The following CEP104 variants were observed in gnomAD, a reference collection of about 807,000 sequenced individuals.
CEP104 encodes centrosomal protein of 104 kDa.
Under a neutral mutation model 113.3 loss-of-function variants are expected in CEP104, and 84 were observed. The ratio of observed to expected loss-of-function variants is 0.74; its 90% CI spans 0.62 to 0.89. The LOEUF is 0.89. CEP104 is among the 40% of genes least tolerant of loss of function. The pLI, the probability that CEP104 is intolerant of heterozygous loss-of-function variation, is 0.00. For synonymous variants in CEP104, 378 were observed against 421.7 expected, an observed-to-expected ratio of 0.90 and a Z score of 1.27; for missense variants, 1,053 against 1,156.6, an observed-to-expected ratio of 0.91 and a Z score of 1.30.
chr1:3,848,712 T>C lies in CEP104; in HGVS notation c.183A>G (p.Leu61=). 2 of 1,613,830 alleles carry C rather than the reference T, an allele frequency of 1.2e-6. No homozygotes were observed. Among genetic ancestry groups the C allele is most frequent in the Non-Finnish European group, 1.7e-6 (2 of 1,179,878 alleles). The change falls in exon 3 of 22, where the codon TTA becomes TTG. Residue 61 remains leucine (L), a synonymous_variant. Transcript: ENST00000378230. ...VERCRIRKLQ[L]LAHQYMISSK... is the part of the protein sequence containing the mutation. ...TTGAAATCATATACTGGTGAGCAAG[T>C]AACTGCAGTTTCCTTATTCGACATC...
At chr1:3,849,869 CA>C (rs2124695800) in intron 2 of CEP104, among the ~76,000 whole-genome samples, 1 of 151,724 alleles carries the variant, frequency 6.6e-6, no homozygotes, top group South Asian at 2.1e-4. Flanking sequence ...TAAAGAAAAC[CA>C]AGACAACCGG....
chr1:3,833,854 G>A lies in CEP104; in HGVS notation c.1659+8C>T, dbSNP rs778868893. ...CTACGGTTTCAAATGCCGTGGTGAA[G>A]TTCAGACCTGAATAAAATTTGCAGC... On this transcript the variant is annotated splice_region_variant and intron_variant, in intron 12 of 21. Coordinates refer to ENST00000378230, the MANE Select transcript of CEP104 (RefSeq NM_014704.4). The A allele has an allele frequency of 2.9e-5, 46 of 1,613,974 alleles. No individual in the cohort carries two copies. In the Admixed American group the frequency reaches 7.7e-4, roughly 27 times the overall value.
intron 1 of CEP104, among the ~76,000 whole-genome samples, chr1:3,856,509 T>C (rs1459364861): frequency 6.6e-6 from 1 of 152,350 alleles, no homozygotes; most frequent in South Asian, 2.1e-4. Context: ...CTTTAATCTC[T>C]ATAGGGACAG....
chr1:3,833,354 C>A (rs923716733), intron 12 of CEP104, among the ~76,000 whole-genome samples: 2 of 152,050 alleles, frequency 1.3e-5, no homozygotes, highest in Non-Finnish European at 2.9e-5. Flanking sequence ...TCATAAGCTT[C>A]TTAAGCCCAA....
In CEP104 at chr1:3,831,177, A is replaced by C. The variant is rs1438091130; in HGVS notation, c.1705T>G (p.Ser569Ala). ...KEVKSLQIIP[S>A]YLVQPLKANS... Reference sequence around the variant, plus strand: ...GCTTTCAATGGCTGCACCAGGTAGGATGGAATAATTTGGAGAGACTTAACT... The same window carrying C: ...GCTTTCAATGGCTGCACCAGGTAGGCTGGAATAATTTGGAGAGACTTAACT... Residue 569 changes from serine (S) to alanine (A), a missense_variant, in exon 13 of 22, where the codon TCC becomes GCC. Coordinates refer to ENST00000378230, the MANE Select transcript of CEP104 (RefSeq NM_014704.4). 14 of 1,614,114 alleles carry C rather than the reference A, an allele frequency of 8.7e-6. No individual in the cohort carries two copies. Among genetic ancestry groups the C allele is most frequent in the Non-Finnish European group, 1.2e-5 (14 of 1,180,030 alleles).
At chr1:3,852,990 T>C (rs964546521) in intron 1 of CEP104, among the ~76,000 whole-genome samples, 1 of 152,188 alleles carries the variant, frequency 6.6e-6, no homozygotes. Flanking sequence ...AGAGCGAGAG[T>C]GCAGCCCTGT....
At chr1:3,839,824 G>T in intron 6 of CEP104, 48 bp from the exon 7 acceptor site, 1 of 1,500,746 alleles carries the variant, frequency 6.7e-7, no homozygotes. Context: ...CGCCCTAGGA[G>T]TTCAGTGCTG....
At position 3,812,135 on chromosome 1, in the gene CEP104, A is replaced by T. The variant is rs1449837157; in HGVS notation, c.*3267T>A. On this transcript the variant is annotated 3_prime_UTR_variant, in exon 22 of 22. Coordinates refer to ENST00000378230, the MANE Select transcript of CEP104 (RefSeq NM_014704.4). ...ATATACTCTGGGTGAATTAACCCTTAAGCCCTAAAACGACAACAAAAATAT... is the reference window on the plus strand; with the variant it reads ...ATATACTCTGGGTGAATTAACCCTTTAGCCCTAAAACGACAACAAAAATAT... 1 of 152,200 alleles carries T rather than the reference A, an allele frequency of 6.6e-6. No individual in the cohort carries two copies. The highest frequency in any genetic ancestry group is 1.5e-5 in the Non-Finnish European group (1 of 68,042). 9.4% of individuals were successfully genotyped at this position (152,200 alleles called of 1,614,324 possible).
chr1:3,856,187 T>C (rs1228275160), intron 1 of CEP104, among the ~76,000 whole-genome samples: 2 of 152,172 alleles, frequency 1.3e-5, no homozygotes, highest in East Asian at 3.8e-4. Context: ...GGAGGGCGTA[T>C]TACTTGAGGT....
At chr1:3,836,443 A>G (rs1644312574) in intron 10 of CEP104, 52 bp downstream of exon 10, 1 of 1,564,874 alleles carries the variant, frequency 6.4e-7, no homozygotes, top group East Asian at 2.2e-5. Context: ...CGTACCATAT[A>G]GACTAGCCTC....
rs1217381308 is a variant in CEP104 at position 3,823,569 on chromosome 1, T to C, written c.2365-7A>G. On this transcript the variant is annotated splice_region_variant and splice_polypyrimidine_tract_variant and intron_variant, in intron 18 of 21. Transcript: ENST00000378230. The surrounding 1 kb of genome is among the most constrained non-coding windows in gnomAD (Gnocchi z 4.1). ...GACTGGATATCTCGACCACCTGGATTTCGAAATACAGAGCAAAGCATGTTG... is the reference window on the plus strand; with the variant it reads ...GACTGGATATCTCGACCACCTGGATCTCGAAATACAGAGCAAAGCATGTTG... 3 of 1,614,148 alleles carry C rather than the reference T, an allele frequency of 1.9e-6. No individual in the cohort carries two copies. Among genetic ancestry groups the C allele is most frequent in the Non-Finnish European group, 2.5e-6 (3 of 1,180,034 alleles).
rs1891939 is a variant in CEP104, at chr1:3,839,311, T to G, written c.736-192A>C. 0.9 allele frequency among the ~76,000 whole-genome samples: 137,386 copies of G among 151,830 alleles called. 62,823 individuals carry two copies. Among genetic ancestry groups the G allele is most frequent in the Middle Eastern group, 0.97 (284 of 292 alleles). ...GTATGGGCATTTAATAAGCTCATGG[T>G]TTGGTTATGACTTTCAGGATAGCTG... On this transcript the variant is annotated intron_variant, in intron 7 of 21. Coordinates refer to ENST00000378230, the MANE Select transcript of CEP104 (RefSeq NM_014704.4).
At chr1:3,847,959 C>T (rs61768930) in intron 3 of CEP104, among the ~76,000 whole-genome samples, 1,976 of 152,152 alleles carry the variant, frequency 0.013, 22 homozygotes, top group Non-Finnish European at 0.021. Context: ...CTCAGCTTCC[C>T]AAGTAGCTGG....
intron 11 of CEP104, among the ~76,000 whole-genome samples, chr1:3,834,491 C>T (rs1188700200): frequency 1.3e-5 from 2 of 152,182 alleles, no homozygotes; most frequent in African/African-American, 2.4e-5. Context: ...GAGTATCTAA[C>T]AGCCCTGCTT....
intron 6 of CEP104, among the ~76,000 whole-genome samples, chr1:3,844,405 G>T (rs1644468749): frequency 6.6e-6 from 1 of 152,132 alleles, no homozygotes; most frequent in South Asian, 2.1e-4. Flanking sequence ...GTCAGGCTCA[G>T]GAGAATTGCT....
chr1:3,840,073 G>A (rs1194095317), intron 6 of CEP104, among the ~76,000 whole-genome samples: 1 of 152,086 alleles, frequency 6.6e-6, no homozygotes, highest in African/African-American at 2.4e-5. Flanking sequence ...GCCTCGCCTC[G>A]TTATGGGCCC....
intron 1 of CEP104, among the ~76,000 whole-genome samples, chr1:3,853,173 C>T (rs987023220): frequency 7.2e-5 from 11 of 152,104 alleles, no homozygotes; most frequent in Admixed American, 1.3e-4. Context: ...AAAAAGGCAA[C>T]GTAAGCGCTA....
Position 3,823,045 on chromosome 1 carries a change from C to T in CEP104, c.2571+129G>A. The T allele has an allele frequency of 1.2e-6, 1 of 800,112 alleles. No homozygotes were observed. The highest frequency in any genetic ancestry group is 2.5e-5 in the East Asian group (1 of 40,642). The allele number at this position is 800,112 out of a possible 1,614,324, so 49.6% of individuals were successfully genotyped here. A position where few individuals can be genotyped will look rare whatever the true frequency, so the allele number is the denominator to read the frequency against. On this transcript the variant is annotated intron_variant, in intron 20 of 21. Transcript: ENST00000378230. The surrounding 1 kb of genome is among the most constrained non-coding windows in gnomAD (Gnocchi z 4.1). ...TCAGACAGGGCTCACTAGACGCTGTCCCCTCCCTGAACACTCATGTACTGT... is the reference window on the plus strand; with the variant it reads ...TCAGACAGGGCTCACTAGACGCTGTTCCCTCCCTGAACACTCATGTACTGT...
chr1:3,840,697 C>T (rs12063242), intron 6 of CEP104, among the ~76,000 whole-genome samples: 5,463 of 152,156 alleles, frequency 0.036, 355 homozygotes, highest in African/African-American at 0.12. Flanking sequence ...AGCCAGCATG[C>T]CTGGCTAATT....
Sources: gnomAD v4.1 joint callset for allele counts (sites outside exome capture counted in the v4.1 genomes callset) on GRCh38, gnomAD v4.1.1 for gene constraint, Gnocchi (gnomAD v3.1) non-coding constraint, MANE v1.5 for transcripts, NCBI Gene and HGNC (gene_info 2026-07-23, HGNC 2026-07-21) for gene names.